KCNH1: variants seen among roughly 807,000 people sequenced by gnomAD.
The protein encoded by KCNH1 is potassium voltage-gated channel subfamily H member 1.
A neutral mutation model predicts 69.2 loss-of-function variants in KCNH1; 27 were observed. The observed-to-expected ratio is 0.39, with a 90% CI of 0.29 to 0.54. The LOEUF (loss-of-function observed/expected upper bound fraction) is 0.54. Among genes scored for constraint, KCNH1 ranks in the 20% least tolerant of loss-of-function variants. The pLI, the probability that KCNH1 is intolerant of heterozygous loss-of-function variation, is 0.68. For missense variants in KCNH1, 798 were observed against 1,261.6 expected, an observed-to-expected ratio of 0.63 and a Z score of 5.57; for synonymous variants, 456 against 487.7, an observed-to-expected ratio of 0.93 and a Z score of 0.86.
chr1:210,759,582 T>C (rs952631019), intron 10 of KCNH1, among the ~76,000 whole-genome samples: 2 of 152,050 alleles, frequency 1.3e-5, no homozygotes, highest in Non-Finnish European at 2.9e-5. Context: ...AACTCTAAGA[T>C]AGGTCCTTTG....
intron 7 of KCNH1, among the ~76,000 whole-genome samples, chr1:210,868,896 T>C (rs1686174344): frequency 6.6e-6 from 1 of 152,144 alleles, no homozygotes; most frequent in Non-Finnish European, 1.5e-5. Flanking sequence ...TTTGTATAGA[T>C]CTAAATTTCA....
chr1:210,974,820 C>T (rs973168326), intron 6 of KCNH1, among the ~76,000 whole-genome samples: 1 of 151,980 alleles, frequency 6.6e-6, no homozygotes, highest in African/African-American at 2.4e-5. Context: ...CCTTGGCCTC[C>T]CAAAGTGCTA....
At chr1:210,958,141 G>C (rs1160795589) in intron 6 of KCNH1, among the ~76,000 whole-genome samples, 1 of 152,140 alleles carries the variant, frequency 6.6e-6, no homozygotes, top group Non-Finnish European at 1.5e-5. Flanking sequence ...TTGCTTGTCT[G>C]TAAAGGATTT....
chr1:211,025,232 T>C (rs751169130), intron 5 of KCNH1, among the ~76,000 whole-genome samples: 2 of 152,182 alleles, frequency 1.3e-5, no homozygotes, highest in Admixed American at 6.5e-5. Context: ...TCTTGTGTCA[T>C]AGGAACTTCT....
Position 210,777,206 on chromosome 1 carries a change from C to G in KCNH1, c.1916-1662G>C, listed in dbSNP as rs75484632. 1.1e-4 allele frequency among the ~76,000 whole-genome samples: 17 copies of G among 152,282 alleles called. No individual in the cohort carries two copies. In the East Asian group the frequency reaches 3.1e-3, roughly 28 times the overall value. On this transcript the variant is annotated intron_variant, in intron 9 of 10. Coordinates refer to ENST00000271751, the MANE Select transcript of KCNH1 (RefSeq NM_172362.3). ...TTCCAAGTACATGGATAGAACTTGA[C>G]TTTACCTCAAACATCAAAAAGTATC...
At chr1:210,882,154 T>C (rs904747352) in intron 7 of KCNH1, among the ~76,000 whole-genome samples, 1 of 152,196 alleles carries the variant, frequency 6.6e-6, no homozygotes, top group African/African-American at 2.4e-5. Context: ...GAAATCTCTG[T>C]ACCTTCCACT....
chr1:211,055,422 C>G (rs1386064692), intron 5 of KCNH1, among the ~76,000 whole-genome samples: 1 of 152,208 alleles, frequency 6.6e-6, no homozygotes, highest in African/African-American at 2.4e-5. Flanking sequence ...TAAGTTCCAA[C>G]AAGCCATGCC....
At chr1:210,749,273 G>A (rs1000445244) in intron 10 of KCNH1, among the ~76,000 whole-genome samples, 2 of 152,170 alleles carry the variant, frequency 1.3e-5, no homozygotes, top group South Asian at 4.1e-4. Flanking sequence ...CAAACAGAGA[G>A]GCAGAAACAT....
intron 6 of KCNH1, among the ~76,000 whole-genome samples, chr1:210,982,102 C>A (rs1008962013): frequency 6.6e-6 from 1 of 151,998 alleles, no homozygotes; most frequent in Admixed American, 6.6e-5. Flanking sequence ...AGCAATAAGA[C>A]TTTCAAAAAG....
intron 1 of KCNH1, among the ~76,000 whole-genome samples, chr1:211,118,739 A>G (rs534649232): frequency 3.0e-4 from 45 of 152,362 alleles, no homozygotes; most frequent in Non-Finnish European, 5.6e-4. Flanking sequence ...CCATTTGCCC[A>G]TAAAGCATAA....
chr1:210,683,791 C>T lies in KCNH1; in HGVS notation c.2460G>A (p.Glu820=), dbSNP rs1344286478. The change falls in exon 11 of 11, where the codon GAG becomes GAA. Residue 820 remains glutamate (E), a synonymous_variant. Coordinates refer to ENST00000271751, the MANE Select transcript of KCNH1 (RefSeq NM_172362.3). This position sits in a 1 kb window ranked among gnomAD's most constrained non-coding sequence, Gnocchi z 5.7. ...DHAKLQAPGS[E]CLGPKGGGGD... ...CCCCGCCCCCCTTGGGGCCCAGGCACTCGGACCCTGGCGCCTGTAGCTTTG... is the reference window on the plus strand; with the variant it reads ...CCCCGCCCCCCTTGGGGCCCAGGCATTCGGACCCTGGCGCCTGTAGCTTTG... 1.9e-6 allele frequency: 3 copies of T among 1,613,856 alleles called. No homozygotes were observed. Among genetic ancestry groups the T allele is most frequent in the Non-Finnish European group, 2.5e-6 (3 of 1,180,044 alleles).
chr1:210,964,064 G>C (rs1340174375), intron 6 of KCNH1, among the ~76,000 whole-genome samples: 1 of 152,166 alleles, frequency 6.6e-6, no homozygotes, highest in East Asian at 1.9e-4. Context: ...TACCCACAAA[G>C]GGAAGCCCAT....
At position 210,681,319 on chromosome 1, in the gene KCNH1, G is replaced by A. The variant is rs755070937; in HGVS notation, c.*1962C>T. The A allele has an allele frequency of 2.6e-5, 4 of 152,182 alleles. No homozygotes were observed. The highest frequency in any genetic ancestry group is 9.7e-5 in the African/African-American group (4 of 41,418). The allele number at this position is 152,182 out of a possible 1,614,324, so 9.4% of individuals were successfully genotyped here. A position where few individuals can be genotyped will look rare whatever the true frequency, so the allele number is the denominator to read the frequency against. ...TCAAAGTCACAGATAGTTGTGACTC[G>A]GCCTTAGGAAATTAGACTTCCTCTT... On this transcript the variant is annotated 3_prime_UTR_variant, in exon 11 of 11. Coordinates refer to ENST00000271751, the MANE Select transcript of KCNH1 (RefSeq NM_172362.3).
intron 6 of KCNH1, among the ~76,000 whole-genome samples, chr1:211,009,640 GCT>G (rs1689356677): frequency 1.3e-5 from 2 of 150,894 alleles, no homozygotes; most frequent in African/African-American, 2.4e-5. Flanking sequence ...ATGGAGTCGC[GCT>G]CTGTCACCCA....
At position 210,860,023 on chromosome 1, in the gene KCNH1, C is replaced by T. The variant is rs191336759; in HGVS notation, c.1463-55857G>A. On this transcript the variant is annotated intron_variant, in intron 7 of 10. Transcript: ENST00000271751. ...ACGAATAAGGGAATGCACTGGTCAA[C>T]GTGACGCCCTTTGCACTGCAGAACG... The T allele has an allele frequency of 1.3e-4, 205 of 1,569,732 alleles. No individual in the cohort carries two copies. In the East Asian group the frequency reaches 2.7e-3, roughly 21 times the overall value.
chr1:211,104,207 A>G (rs372797211), intron 2 of KCNH1, among the ~76,000 whole-genome samples: 25 of 152,354 alleles, frequency 1.6e-4, no homozygotes, highest in African/African-American at 6.0e-4. Flanking sequence ...ATTATAAGCC[A>G]TGGGAAGTAA....
intron 7 of KCNH1, among the ~76,000 whole-genome samples, chr1:210,905,011 C>T (rs1373097026): frequency 1.3e-5 from 2 of 152,146 alleles, no homozygotes; most frequent in Non-Finnish European, 2.9e-5. Flanking sequence ...CTTGACCTCC[C>T]TCATGACTCC....
intron 3 of KCNH1, among the ~76,000 whole-genome samples, chr1:211,091,485 C>T (rs895109884): frequency 2.0e-5 from 3 of 152,138 alleles, no homozygotes; most frequent in Non-Finnish European, 4.4e-5. Flanking sequence ...TATATTTCTA[C>T]ATCCCTCTCC....
intron 7 of KCNH1, among the ~76,000 whole-genome samples, chr1:210,849,227 A>T (rs1280694629): frequency 6.6e-6 from 1 of 152,128 alleles, no homozygotes; most frequent in African/African-American, 2.4e-5. Flanking sequence ...AAAACAACAG[A>T]ATTCCCTCTA....
Sources: allele counts gnomAD v4.1 joint callset (sites outside exome capture counted in the v4.1 genomes callset), GRCh38; gene constraint gnomAD v4.1.1; non-coding constraint Gnocchi (gnomAD v3.1); transcripts MANE v1.5; gene names NCBI Gene and HGNC (gene_info 2026-07-23, HGNC 2026-07-21).